ATRNL1: variants seen among roughly 807,000 people sequenced by gnomAD.
ATRNL1 encodes attractin like 1.
In ATRNL1, 95 loss-of-function variants were observed where a neutral mutation model predicts 182.7. The observed-to-expected ratio is 0.52, with a 90% CI of 0.44 to 0.62. The LOEUF is 0.62. Ranked by LOEUF, ATRNL1 falls within the 20% of genes least tolerant of loss-of-function variation. The pLI, the probability that ATRNL1 is intolerant of heterozygous loss-of-function variation, is 0.00. For synonymous variants in ATRNL1, 576 were observed against 568.3 expected, an observed-to-expected ratio of 1.01 and a Z score of -0.19; for missense variants, 1,471 against 1,679.5, an observed-to-expected ratio of 0.88 and a Z score of 2.17.
chr10:115,430,878 G>A (rs1318119910), intron 21 of ATRNL1, among the ~76,000 whole-genome samples: 3 of 151,932 alleles, frequency 2.0e-5, no homozygotes, highest in Non-Finnish European at 4.4e-5. Context: ...GCAATGAAAA[G>A]GTCAACCTCC....
At chr10:115,533,552 A>G (rs1478130039) in intron 25 of ATRNL1, among the ~76,000 whole-genome samples, 1 of 152,066 alleles carries the variant, frequency 6.6e-6, no homozygotes, top group Non-Finnish European at 1.5e-5. Flanking sequence ...TCAAAAAACC[A>G]GCTCCTGGAT....
At chr10:115,403,062 A>G (rs1490109106) in intron 20 of ATRNL1, among the ~76,000 whole-genome samples, 3 of 151,882 alleles carry the variant, frequency 2.0e-5, no homozygotes, top group African/African-American at 7.3e-5. Context: ...ATTTTTCTCT[A>G]TCTTGTTTTA....
chr10:115,363,659 G>A (rs1592526228), intron 19 of ATRNL1, among the ~76,000 whole-genome samples: 2 of 152,040 alleles, frequency 1.3e-5, no homozygotes, highest in African/African-American at 2.4e-5. Context: ...TAGGTCTAAC[G>A]TTTAAGTCTT....
At chr10:115,759,108 T>G (rs1389217683) in intron 27 of ATRNL1, among the ~76,000 whole-genome samples, 1 of 152,182 alleles carries the variant, frequency 6.6e-6, no homozygotes, top group Non-Finnish European at 1.5e-5. Context: ...AATACAAAAA[T>G]TAATGCCTAT....
In ATRNL1 at chr10:115,315,670, A is replaced by G; in HGVS notation, c.2971A>G (p.Met991Val). ...MKLIGMHHSE[M>V]VLDTNLCPKE... The stretch of plus-strand genomic sequence containing the variant: ...GCTTATTGGAATGCACCACAGTGAG[A>G]TGGTTCTTGACACCAATCTTTGCCC... Residue 991 changes from methionine (M) to valine (V), a missense_variant, in exon 18 of 29, where the codon ATG (methionine) becomes GTG (valine). By Grantham distance (21) the Met-to-Val change is conservative. Transcript: ENST00000355044. 6.2e-7 allele frequency: 1 copy of G among 1,613,886 alleles called. No individual in the cohort carries two copies. Among genetic ancestry groups the G allele is most frequent in the Non-Finnish European group, 8.5e-7 (1 of 1,179,930 alleles).
At chr10:115,145,044 A>G (rs1845914176) in intron 5 of ATRNL1, among the ~76,000 whole-genome samples, 1 of 152,192 alleles carries the variant, frequency 6.6e-6, no homozygotes, top group Admixed American at 6.5e-5. Context: ...TTTGACATAC[A>G]TGCTTTCATT....
At chr10:115,282,934 C>T (rs1467515032) in intron 14 of ATRNL1, among the ~76,000 whole-genome samples, 4 of 151,900 alleles carry the variant, frequency 2.6e-5, no homozygotes, top group African/African-American at 9.7e-5. Context: ...CCATCACCTA[C>T]ATTAGGTATT....
intron 24 of ATRNL1, among the ~76,000 whole-genome samples, chr10:115,495,006 A>G (rs1224862610): frequency 6.6e-6 from 1 of 151,924 alleles, no homozygotes; most frequent in Non-Finnish European, 1.5e-5. Flanking sequence ...TTCTGATTCC[A>G]TTTTGGAACT....
intron 10 of ATRNL1, among the ~76,000 whole-genome samples, chr10:115,246,781 C>G (rs1433003199): frequency 7.5e-6 from 1 of 134,112 alleles, no homozygotes; most frequent in Non-Finnish European, 1.6e-5. Context: ...AGGATGGTCT[C>G]GATCTCCTGA....
intron 28 of ATRNL1, among the ~76,000 whole-genome samples, chr10:115,896,130 G>A (rs1952201615): frequency 6.6e-6 from 1 of 152,144 alleles, no homozygotes; most frequent in South Asian, 2.1e-4. Context: ...TCAGCAGACT[G>A]ATTTTTTTAA....
At chr10:115,822,728 C>A (rs1950333394) in intron 27 of ATRNL1, among the ~76,000 whole-genome samples, 1 of 152,032 alleles carries the variant, frequency 6.6e-6, no homozygotes. Flanking sequence ...AAGACTAAAC[C>A]AGAAAGAAGT....
chr10:115,633,369 A>G (rs1858645077), intron 26 of ATRNL1, among the ~76,000 whole-genome samples: 1 of 152,176 alleles, frequency 6.6e-6, no homozygotes, highest in Admixed American at 6.5e-5. Context: ...AAGTTTGTAC[A>G]TTTGATTGTT....
intron 27 of ATRNL1, among the ~76,000 whole-genome samples, chr10:115,750,321 C>G (rs1041770416): frequency 6.6e-6 from 1 of 151,544 alleles, no homozygotes; most frequent in South Asian, 2.1e-4. Flanking sequence ...ATATATAGAT[C>G]AAATAAAGTA....
intron 26 of ATRNL1, among the ~76,000 whole-genome samples, chr10:115,694,988 C>T (rs1213853632): frequency 6.6e-6 from 1 of 150,738 alleles, no homozygotes; most frequent in Non-Finnish European, 1.5e-5. Flanking sequence ...TTTTATGACT[C>T]CTTAGAGATA....
chr10:115,422,999 G>A (rs1408087628), intron 20 of ATRNL1, among the ~76,000 whole-genome samples: 1 of 152,108 alleles, frequency 6.6e-6, no homozygotes, highest in Non-Finnish European at 1.5e-5. Flanking sequence ...ACAAACCTGT[G>A]CATGTACCTC....
intron 27 of ATRNL1, among the ~76,000 whole-genome samples, chr10:115,751,477 T>A (rs1948447612): frequency 6.6e-6 from 1 of 152,068 alleles, no homozygotes; most frequent in South Asian, 2.1e-4. Context: ...TCATTTATTG[T>A]TGGGAATGCA....
At chr10:115,822,158 G>A (rs958014399) in intron 27 of ATRNL1, among the ~76,000 whole-genome samples, 12 of 152,222 alleles carry the variant, frequency 7.9e-5, no homozygotes, top group Admixed American at 3.9e-4. Context: ...TAGAAATTGA[G>A]CAACCTGCTC....
intron 24 of ATRNL1, among the ~76,000 whole-genome samples, chr10:115,504,888 A>G (rs377706064): frequency 2.0e-3 from 307 of 152,216 alleles, no homozygotes; most frequent in Admixed American, 3.5e-3. Flanking sequence ...AGGCATGCCT[A>G]TAGAAGTACA....
intron 19 of ATRNL1, among the ~76,000 whole-genome samples, chr10:115,379,121 A>C (rs1436955520): frequency 6.6e-6 from 1 of 152,086 alleles, no homozygotes; most frequent in Non-Finnish European, 1.5e-5. Context: ...TTGATACTGC[A>C]ACTTTATATT....
Sources: gnomAD v4.1 joint callset for allele counts (sites outside exome capture counted in the v4.1 genomes callset) on GRCh38, gnomAD v4.1.1 for gene constraint, MANE v1.5 for transcripts, NCBI Gene and HGNC (gene_info 2026-07-23, HGNC 2026-07-21) for gene names.